XPO5: variants seen among roughly 807,000 people sequenced by gnomAD.
XPO5 encodes the protein exportin-5.
In XPO5, 46 loss-of-function variants were observed where a neutral mutation model predicts 160.6. That is an observed-to-expected ratio of 0.29 (90% CI 0.23 to 0.37). The LOEUF (loss-of-function observed/expected upper bound fraction) is 0.37. Ranked by LOEUF, XPO5 falls within the 10% of genes least tolerant of loss-of-function variation. XPO5 has a pLI of 1.00. For missense variants in XPO5, 1,090 were observed against 1,463.9 expected (o/e 0.74, Z 4.17); for synonymous variants, 537 against 519.3 (o/e 1.03, Z -0.46).
In XPO5 at chr6:43,531,594, C is replaced by T. The variant is rs747856706; in HGVS notation, c.2444-19G>A. The T allele has an allele frequency of 6.3e-7, 1 of 1,598,782 alleles. No homozygotes were observed. Among genetic ancestry groups the T allele is most frequent in the South Asian group, 1.1e-5 (1 of 90,668 alleles). On this transcript the variant is annotated intron_variant, in intron 21 of 31. Coordinates refer to ENST00000265351, the MANE Select transcript of XPO5 (RefSeq NM_020750.3). ...GGTAATCCTACAGGGAAATACGGGTCAAGAACATGATGCTCCACTGTCAGG... is the reference window on the plus strand; with the variant it reads ...GGTAATCCTACAGGGAAATACGGGTTAAGAACATGATGCTCCACTGTCAGG...
At position 43,524,562 on chromosome 6, in the gene XPO5, A is replaced by T; in HGVS notation, c.3386T>A (p.Phe1129Tyr). ...PEIQKDSLDQ[F>Y]DCKLLNPSLQ... Reference sequence around the variant, plus strand: ...GGAGGGGTTTAAAAGCTTGCAGTCAAACTGGTCCAGTGAGTCCTTCTGTAT... The same window carrying T: ...GGAGGGGTTTAAAAGCTTGCAGTCATACTGGTCCAGTGAGTCCTTCTGTAT... Residue 1129 changes from phenylalanine to tyrosine, a missense_variant, in exon 31 of 32, where the codon TTT (phenylalanine) becomes TAT (tyrosine). Phe to Tyr is a conservative substitution (Grantham distance 22). This residue lies in a region of XPO5 where 810 missense variants were observed against 1,139.0 expected (regional missense o/e 0.71). Coordinates refer to ENST00000265351, the MANE Select transcript of XPO5 (RefSeq NM_020750.3). The T allele has an allele frequency of 6.2e-7, 1 of 1,613,950 alleles. No homozygotes were observed. Among genetic ancestry groups the T allele is most frequent in the East Asian group, 2.2e-5 (1 of 44,884 alleles).
At chr6:43,536,394 AAC>A (rs1582207589) in intron 20 of XPO5, among the ~76,000 whole-genome samples, 1 of 148,002 alleles carries the variant, frequency 6.8e-6, no homozygotes, top group African/African-American at 2.5e-5. Flanking sequence ...CAGCCTGCGC[AAC>A]ACAGTGAGAC....
At position 43,523,692 on chromosome 6, in the gene XPO5, T is replaced by C. The variant is rs759086069; in HGVS notation, c.*176A>G. 1.0e-4 allele frequency: 99 copies of C among 963,320 alleles called. 1 individual carries two copies. In the South Asian group the frequency reaches 1.3e-3, roughly 12 times the overall value. 59.7% of individuals were successfully genotyped at this position (963,320 alleles called of 1,614,324 possible). On this transcript the variant is annotated 3_prime_UTR_variant, in exon 32 of 32. Coordinates refer to ENST00000265351, the MANE Select transcript of XPO5 (RefSeq NM_020750.3). ...CTAACTCCCTTTCTTGATACTTTAG[T>C]ATAATTACTTCTGGTCCTGCACAGG...
chr6:43,568,852 T>C, intron 5 of XPO5, 115 bp from the exon 6 acceptor site: 1 of 921,632 alleles, frequency 1.1e-6, no homozygotes, highest in Non-Finnish European at 1.6e-6. Context: ...ATGCAATTTT[T>C]CATCTTGGAA....
intron 20 of XPO5, chr6:43,539,632 G>A (rs1025779677): frequency 2.2e-6 from 3 of 1,339,096 alleles, no homozygotes; most frequent in Non-Finnish European, 3.1e-6. Flanking sequence ...CTCTGCGGAA[G>A]CCACCGCGGT....
chr6:43,525,687 C>T, intron 28 of XPO5, 152 bp downstream of exon 28: 1 of 773,098 alleles, frequency 1.3e-6, no homozygotes. Context: ...TGCACCTTTT[C>T]CCTCGGTTTT....
Position 43,523,535 on chromosome 6 carries a change from C to T in XPO5, c.*333G>A, listed in dbSNP as rs560375911. ...CAGCACCCTTAGTTACCATTCTGTA[C>T]AGGTATGTGGCTGCACGGGGGTGGG... On this transcript the variant is annotated 3_prime_UTR_variant, in exon 32 of 32. Coordinates refer to ENST00000265351, the MANE Select transcript of XPO5 (RefSeq NM_020750.3). 3 of 482,276 alleles carry T rather than the reference C, an allele frequency of 6.2e-6. No homozygotes were observed. The highest frequency in any genetic ancestry group is 3.9e-5 in the African/African-American group (2 of 50,858). The allele number at this position is 482,276 out of a possible 1,614,324, so 29.9% of individuals were successfully genotyped here. A position where few individuals can be genotyped will look rare whatever the true frequency, so the allele number is the denominator to read the frequency against.
At chr6:43,571,741 G>A (rs550123446) in intron 3 of XPO5, among the ~76,000 whole-genome samples, 2 of 151,976 alleles carry the variant, frequency 1.3e-5, no homozygotes, top group South Asian at 2.1e-4. Flanking sequence ...CCAGGAGTTC[G>A]AGGCTGCAGT....
chr6:43,562,559 G>C (rs1762469262), intron 8 of XPO5: 1 of 510,072 alleles, frequency 2.0e-6, no homozygotes, highest in Admixed American at 3.4e-5. Context: ...CACACAAACA[G>C]CAATTAATAA....
intron 14 of XPO5, among the ~76,000 whole-genome samples, chr6:43,551,996 A>G (rs1297597262): frequency 6.6e-6 from 1 of 152,198 alleles, no homozygotes; most frequent in Non-Finnish European, 1.5e-5. Flanking sequence ...TCTTCTCAGC[A>G]GTGTATTATT....
chr6:43,531,719 T>A (rs1039356134), intron 21 of XPO5, 144 bp from the exon 22 acceptor site: 2 of 704,366 alleles, frequency 2.8e-6, no homozygotes, highest in East Asian at 2.7e-5. Context: ...GCTACGTGAT[T>A]TGCTGCACTC....
In XPO5 at chr6:43,573,621, T is replaced by C. The variant is rs759321059; in HGVS notation, c.106-20A>G. On this transcript the variant is annotated intron_variant, in intron 1 of 31. Coordinates refer to ENST00000265351, the MANE Select transcript of XPO5 (RefSeq NM_020750.3). ...ACAAAACTGAAAGAAGAAAAGTTAG[T>C]GTTTCCTTTCGAGGGCTGAGAGAAT... 4.4e-6 allele frequency: 7 copies of C among 1,606,896 alleles called. No homozygotes were observed. In the Admixed American group the frequency reaches 6.8e-5, roughly 16 times the overall value.
chr6:43,552,348 G>A (rs978637867), intron 14 of XPO5, among the ~76,000 whole-genome samples: 2 of 151,716 alleles, frequency 1.3e-5, no homozygotes, highest in Non-Finnish European at 2.9e-5. Flanking sequence ...GAGCCACTGC[G>A]CCCCACCCTT....
At position 43,539,833 on chromosome 6, in the gene XPO5, G is replaced by A. The variant is rs1236930783; in HGVS notation, c.2343-5826C>T. ...AAATCATTTAGGCCTGGAGTTTTTT[G>A]GTCTAATTTAACTACTACCAATATA... is the stretch of plus-strand genomic sequence containing the variant. On this transcript the variant is annotated intron_variant, in intron 20 of 31. Coordinates refer to ENST00000265351, the MANE Select transcript of XPO5 (RefSeq NM_020750.3). 7.7e-6 allele frequency: 4 copies of A among 522,470 alleles called. No individual in the cohort carries two copies. The East Asian group carries it at 9.3e-5, about 12-fold the overall frequency. 32.4% of individuals were successfully genotyped at this position (522,470 alleles called of 1,614,324 possible). A position where few individuals can be genotyped will look rare whatever the true frequency, so the allele number is the denominator to read the frequency against.
chr6:43,568,842 A>G (rs1762840639), intron 5 of XPO5, 105 bp from the exon 6 acceptor site: 17 of 1,017,248 alleles, frequency 1.7e-5, no homozygotes, highest in Non-Finnish European at 2.2e-5. Flanking sequence ...TCTTAAATAT[A>G]TGCAATTTTT....
chr6:43,573,819 ATATATT>A (rs1262742115), intron 1 of XPO5, among the ~76,000 whole-genome samples: 8 of 117,528 alleles, frequency 6.8e-5, no homozygotes, highest in African/African-American at 1.2e-4. Flanking sequence ...ATATATATAT[ATATATT>A]TTTTTTTTTT....
At chr6:43,564,073 C>G (rs1762559490) in intron 8 of XPO5, among the ~76,000 whole-genome samples, 1 of 152,128 alleles carries the variant, frequency 6.6e-6, no homozygotes, top group South Asian at 2.1e-4. Context: ...ACACATGCAC[C>G]ACCACGCCCG....
chr6:43,546,990 G>A (rs1392676862), intron 19 of XPO5, among the ~76,000 whole-genome samples: 2 of 152,128 alleles, frequency 1.3e-5, no homozygotes, highest in Non-Finnish European at 2.9e-5. Flanking sequence ...GCAGTAAGCT[G>A]TCTTTCTAGG....
At chr6:43,557,270 C>T (rs1455507785) in intron 12 of XPO5, among the ~76,000 whole-genome samples, 1 of 151,286 alleles carries the variant, frequency 6.6e-6, no homozygotes, top group Non-Finnish European at 1.5e-5. Context: ...ACTAAAAACA[C>T]AAAAAATTGG....
Sources: gnomAD v4.1 joint callset for allele counts (sites outside exome capture counted in the v4.1 genomes callset) on GRCh38, gnomAD v4.1.1 for gene constraint, gnomAD v4.1.1 regional missense constraint, MANE v1.5 for transcripts, NCBI Gene and HGNC (gene_info 2026-07-23, HGNC 2026-07-21) for gene names.